Variants in A2ML1 observed in about 807,000 individuals in gnomAD.
A2ML1 encodes the protein alpha-2-macroglobulin-like protein 1.
A2ML1 carries 161 observed loss-of-function variants against 181.9 expected under a neutral mutation model. The ratio of observed to expected loss-of-function variants is 0.89; its 90% CI spans 0.78 to 1.01. The LOEUF (loss-of-function observed/expected upper bound fraction) is 1.01. Ranked by LOEUF, A2ML1 falls within the 50% of genes least tolerant of loss-of-function variation. A2ML1 has a pLI of 0.00. For synonymous variants in A2ML1, 663 were observed against 666.8 expected, an observed-to-expected ratio of 0.99 and a Z score of 0.09; for missense variants, 1,670 against 1,768.1, an observed-to-expected ratio of 0.94 and a Z score of 1.00.
intron 7 of A2ML1, among the ~76,000 whole-genome samples, chr12:8,886,027 C>CAT (rs1002338814): frequency 2.6e-5 from 4 of 151,712 alleles, no homozygotes; most frequent in Admixed American, 2.6e-4. Flanking sequence ...CACACACACA[C>CAT]ACACACACAC....
At position 8,863,875 on chromosome 12, in the gene A2ML1, A is replaced by G; in HGVS notation, c.3584A>G (p.Glu1195Gly). Reference sequence around the variant, plus strand: ...TCTGAGCCTGCGGCTGTAGATGTGGAACTCACAGCATATGCATTGTTGGCC... The same window carrying G: ...TCTGAGCCTGCGGCTGTAGATGTGGGACTCACAGCATATGCATTGTTGGCC... ...PWSEPAAVDV[E>G]LTAYALLAQL... The change falls in exon 29 of 36, where the codon GAA becomes GGA. Residue 1195 changes from glutamate (E) to glycine (G), a missense_variant. By Grantham distance (98) the Glu-to-Gly change is moderately conservative. Coordinates refer to ENST00000299698, the MANE Select transcript of A2ML1 (RefSeq NM_144670.6). The G allele has an allele frequency of 6.2e-7, 1 of 1,614,206 alleles. No individual in the cohort carries two copies. The highest frequency in any genetic ancestry group is 8.5e-7 in the Non-Finnish European group (1 of 1,180,026).
intron 33 of A2ML1, among the ~76,000 whole-genome samples, chr12:8,873,158 A>C (rs1332676641): frequency 1.3e-5 from 2 of 152,144 alleles, no homozygotes; most frequent in African/African-American, 4.8e-5. Context: ...CCTCGACCAC[A>C]CTTTGAGAAG....
At chr12:8,858,560 TG>T (rs1944152096) in intron 26 of A2ML1, among the ~76,000 whole-genome samples, 1 of 152,152 alleles carries the variant, frequency 6.6e-6, no homozygotes, top group South Asian at 2.1e-4. Flanking sequence ...CACCCCAACC[TG>T]GGTGACCGAG....
At chr12:8,859,048 G>T (rs12302462) in intron 26 of A2ML1, among the ~76,000 whole-genome samples, 5,132 of 151,974 alleles carry the variant, frequency 0.034, 331 homozygotes, top group African/African-American at 0.12. Flanking sequence ...TAAGTAAATT[G>T]CCCAAGGTGC....
At chr12:8,877,605 T>A (rs1464694787), downstream of A2ML1, among the ~76,000 whole-genome samples, 1 of 152,112 alleles carries the variant, frequency 6.6e-6, no homozygotes, top group Non-Finnish European at 1.5e-5. Context: ...TCACTAATCA[T>A]CAGAGAAATG....
chr12:8,883,177 G>A lies in A2ML1; in HGVS notation c.*94+2561G>A, dbSNP rs145456317. ...CTCCTACAGCACCTGTGATTCCAGCGGAGGATTTACCAAGCTGGGTTCCTG... is the reference window on the plus strand; with the variant it reads ...CTCCTACAGCACCTGTGATTCCAGCAGAGGATTTACCAAGCTGGGTTCCTG... On this transcript the variant is annotated intron_variant and NMD_transcript_variant, in intron 7 of 7. Coordinates refer to the A2ML1 transcript ENST00000537475. Among the ~76,000 whole-genome samples, 316 of 152,088 alleles carry A rather than the reference G, an allele frequency of 2.1e-3. 4 individuals are homozygous for A. The East Asian group carries it at 0.026, about 13-fold the overall frequency.
In A2ML1 at chr12:8,845,420, ATTCTT is replaced by A; in HGVS notation, c.1477-11_1477-7del. On this transcript the variant is annotated splice_polypyrimidine_tract_variant and intron_variant, in intron 12 of 35. Coordinates refer to ENST00000299698, the MANE Select transcript of A2ML1 (RefSeq NM_144670.6). Reference sequence around the variant, plus strand: ...AATTACTGTAACTTCTGTGCAGTTGATTCTTTTCTTTTCTTCTTTAGTTAATAGGG... The same window carrying A: ...AATTACTGTAACTTCTGTGCAGTTGATTCTTTTCTTCTTTAGTTAATAGGG... The A allele has an allele frequency of 1.2e-6, 2 of 1,612,580 alleles. No homozygotes were observed. The highest frequency in any genetic ancestry group is 1.3e-5 in the African/African-American group (1 of 75,014).
chr12:8,850,539 C>T (rs955627598), intron 18 of A2ML1, among the ~76,000 whole-genome samples: 1 of 152,080 alleles, frequency 6.6e-6, no homozygotes, highest in African/African-American at 2.4e-5. Context: ...CATTGCTTCA[C>T]TCCTGCTTGG....
intron 14 of A2ML1, among the ~76,000 whole-genome samples, chr12:8,847,099 T>TA (rs1491568269): frequency 1.3e-5 from 1 of 77,278 alleles, no homozygotes. Context: ...CATGCCTGGC[T>TA]TTTTTTTTTT....
rs1384506220 is a variant in A2ML1 at position 8,857,205 on chromosome 12, G to A, written c.2890G>A (p.Val964Met). 2 of 1,612,864 alleles carry A rather than the reference G, an allele frequency of 1.2e-6. No homozygotes were observed. The highest frequency in any genetic ancestry group is 8.5e-7 in the Non-Finnish European group (1 of 1,180,008). The stretch of plus-strand genomic sequence containing the variant: ...AGCCCTGCAGAACCTGGATGGTCTG[G>A]TGCAGATGCCCAGTGGCTGTGGCGA... ...GTALQNLDGLVQMPSGCGEQN... is the reference protein window; with the variant it reads ...GTALQNLDGLMQMPSGCGEQN... Residue 964 changes from valine (V) to methionine (M), a missense_variant, in exon 24 of 36, where the codon GTG (valine) becomes ATG (methionine). Physicochemically the swap from Val to Met is conservative, Grantham distance 21 (BLOSUM62 1). Coordinates refer to ENST00000299698, the MANE Select transcript of A2ML1 (RefSeq NM_144670.6).
intron 10 of A2ML1, among the ~76,000 whole-genome samples, chr12:8,840,664 C>T (rs1943436235): frequency 6.6e-6 from 1 of 151,962 alleles, no homozygotes; most frequent in Non-Finnish European, 1.5e-5. Flanking sequence ...AATCTCAGCA[C>T]TTTGGGAGGC....
intron 7 of A2ML1, among the ~76,000 whole-genome samples, chr12:8,836,828 T>A (rs1250601170): frequency 6.6e-6 from 1 of 152,084 alleles, no homozygotes; most frequent in Non-Finnish European, 1.5e-5. Context: ...TTTCCATTGC[T>A]CACTCAGATA....
chr12:8,830,714 C>A (rs1943083071), intron 4 of A2ML1: 1 of 152,134 alleles, frequency 6.6e-6, no homozygotes, highest in Non-Finnish European at 1.5e-5. Context: ...CCTGTGTATT[C>A]AAATGAAACT....
At position 8,823,316 on chromosome 12, in the gene A2ML1, T is replaced by G; in HGVS notation, c.197T>G (p.Leu66Arg). The change falls in exon 2 of 36, where the codon CTA becomes CGA. Residue 66 changes from leucine to arginine, a missense_variant. Transcript: ENST00000299698. Reference sequence around the variant, plus strand: ...ACCAAGGACAAGACCCAGAAGTTGCTAGAATACTCTGGACTGAAGAAGAGG... The same window carrying G: ...ACCAAGGACAAGACCCAGAAGTTGCGAGAATACTCTGGACTGAAGAAGAGG... ...LETKDKTQKL[L>R]EYSGLKKRHL... 6.2e-7 allele frequency: 1 copy of G among 1,614,164 alleles called. No individual in the cohort carries two copies. Among genetic ancestry groups the G allele is most frequent in the Non-Finnish European group, 8.5e-7 (1 of 1,180,028 alleles).
At chr12:8,880,303 T>G (rs760592584), downstream of A2ML1, among the ~76,000 whole-genome samples, 1 of 151,988 alleles carries the variant, frequency 6.6e-6, no homozygotes, top group South Asian at 2.1e-4. Flanking sequence ...GAGGTGGAGG[T>G]TGCAGTGAGC....
chr12:8,868,058 G>A lies in A2ML1; in HGVS notation c.3933+1G>A. 5.0e-6 allele frequency: 8 copies of A among 1,613,604 alleles called. No individual in the cohort carries two copies. Among genetic ancestry groups the A allele is most frequent in the Non-Finnish European group, 6.8e-6 (8 of 1,179,456 alleles). ...AGGCCAGGGCTGTGTCTATGTGCAG[G>A]TAAGTAGAGATCCATGAGAATGAGC... On this transcript the variant is annotated splice_donor_variant, in intron 30 of 35. Coordinates refer to ENST00000299698, the MANE Select transcript of A2ML1 (RefSeq NM_144670.6). LOFTEE classifies it high-confidence loss of function.
chr12:8,878,023 C>T (rs754617557), downstream of A2ML1, among the ~76,000 whole-genome samples: 1 of 152,270 alleles, frequency 6.6e-6, no homozygotes, highest in South Asian at 2.1e-4. The surrounding 1 kb of genome is among the most constrained non-coding windows in gnomAD (Gnocchi z 4.4). Flanking sequence ...ATGCAATCGG[C>T]CCAGTGCGGT....
At chr12:8,865,500 T>A (rs1218013687) in intron 29 of A2ML1, among the ~76,000 whole-genome samples, 1 of 152,044 alleles carries the variant, frequency 6.6e-6, no homozygotes, top group African/African-American at 2.4e-5. Flanking sequence ...GATGGCGCCA[T>A]TGCACTCCAG....
At chr12:8,875,088 T>C in intron 35 of A2ML1, 76 bp downstream of exon 35, 1 of 1,486,664 alleles carries the variant, frequency 6.7e-7, no homozygotes, top group Non-Finnish European at 9.4e-7. Flanking sequence ...TTCGAGTTAC[T>C]GTCATTGTCT....
Sources: allele counts gnomAD v4.1 joint callset (sites outside exome capture counted in the v4.1 genomes callset), GRCh38; gene constraint gnomAD v4.1.1; non-coding constraint Gnocchi (gnomAD v3.1); transcripts MANE v1.5; gene names NCBI Gene and HGNC (gene_info 2026-07-23, HGNC 2026-07-21).